Variants in CNTN5 observed in about 807,000 individuals in gnomAD.
CNTN5 encodes the protein contactin 5, also known as contactin-5.
CNTN5 carries 77 observed loss-of-function variants against 129.1 expected under a neutral mutation model. That is an observed-to-expected ratio of 0.60 (90% confidence interval 0.50 to 0.72). CNTN5 has a LOEUF of 0.72. CNTN5 is among the 30% of genes least tolerant of loss of function. CNTN5 has a pLI of 0.00. For synonymous variants in CNTN5, 509 were observed against 465.6 expected (o/e 1.09, Z -1.20); for missense variants, 1,478 against 1,328.8 (o/e 1.11, Z -1.75).
chr11:99,980,381 T>C (rs765785331), intron 8 of CNTN5, among the ~76,000 whole-genome samples: 5 of 152,224 alleles, frequency 3.3e-5, no homozygotes, highest in Non-Finnish European at 7.3e-5. Flanking sequence ...TGAGCTGAGA[T>C]AGGACAATTT....
At chr11:99,588,524 A>G (rs1949879277) in intron 3 of CNTN5, among the ~76,000 whole-genome samples, 1 of 152,140 alleles carries the variant, frequency 6.6e-6, no homozygotes, top group Admixed American at 6.5e-5. Context: ...CTTTGGGACA[A>G]GGTATAATAA....
chr11:100,017,916 A>G lies in CNTN5; in HGVS notation c.980+15780A>G, dbSNP rs138415376. ...CTATGTGTTACAAATAAAAGAAAAT[A>G]GAATAGACAAAGACTGAAAGAGATT... On this transcript the variant is annotated intron_variant, in intron 9 of 24. Transcript: ENST00000524871. Among the ~76,000 whole-genome samples, 918 of 152,164 alleles carry G rather than the reference A, an allele frequency of 6.0e-3. 13 individuals are homozygous for G. Among genetic ancestry groups the G allele is most frequent in the African/African-American group, 0.021 (866 of 41,562 alleles).
intron 9 of CNTN5, among the ~76,000 whole-genome samples, chr11:100,043,846 C>T (rs2137694265): frequency 6.6e-6 from 1 of 150,580 alleles, no homozygotes; most frequent in South Asian, 2.1e-4. Context: ...TGTTGTATTT[C>T]TAATTAGGTC....
chr11:100,031,753 T>C (rs995267142), intron 9 of CNTN5, among the ~76,000 whole-genome samples: 2 of 152,260 alleles, frequency 1.3e-5, no homozygotes, highest in Non-Finnish European at 2.9e-5. Flanking sequence ...TTGTAAATTC[T>C]TATCTCTGTA....
intron 1 of CNTN5, among the ~76,000 whole-genome samples, chr11:99,126,995 T>C (rs1469097222): frequency 6.6e-6 from 1 of 152,200 alleles, no homozygotes; most frequent in African/African-American, 2.4e-5. Context: ...CCATTTTCTT[T>C]ATGGCTACCA....
chr11:99,388,872 T>C (rs1177767967), intron 2 of CNTN5, among the ~76,000 whole-genome samples: 6 of 152,130 alleles, frequency 3.9e-5, no homozygotes, highest in African/African-American at 1.4e-4. Flanking sequence ...ACACAGTGCA[T>C]AATACCCATT....
At chr11:99,501,464 A>G (rs1946424638) in intron 2 of CNTN5, among the ~76,000 whole-genome samples, 1 of 152,230 alleles carries the variant, frequency 6.6e-6, no homozygotes, top group Non-Finnish European at 1.5e-5. Context: ...TCCTTTCCCA[A>G]CTAAGTAAAC....
intron 1 of CNTN5, among the ~76,000 whole-genome samples, chr11:99,226,102 GA>G (rs1476291060): frequency 6.6e-6 from 1 of 152,146 alleles, no homozygotes; most frequent in East Asian, 1.9e-4. Flanking sequence ...TATTTGACTG[GA>G]AAAATCATGG....
intron 13 of CNTN5, among the ~76,000 whole-genome samples, chr11:100,096,590 T>C (rs1373806940): frequency 6.6e-6 from 1 of 152,068 alleles, no homozygotes; most frequent in African/African-American, 2.4e-5. Flanking sequence ...GCCTAGGCCT[T>C]ATTGGCCACC....
intron 1 of CNTN5, among the ~76,000 whole-genome samples, chr11:99,109,340 G>A (rs994100523): frequency 2.0e-5 from 3 of 151,980 alleles, no homozygotes; most frequent in African/African-American, 7.3e-5. Flanking sequence ...AATTATATGT[G>A]TAGAACTCCT....
At chr11:99,273,618 C>T (rs1382152227) in intron 1 of CNTN5, among the ~76,000 whole-genome samples, 1 of 151,584 alleles carries the variant, frequency 6.6e-6, no homozygotes, top group East Asian at 1.9e-4. Context: ...TGTATCTCGG[C>T]TGGTTTGAAA....
intron 6 of CNTN5, among the ~76,000 whole-genome samples, chr11:99,890,822 A>C (rs1343969681): frequency 1.3e-5 from 2 of 152,132 alleles, no homozygotes; most frequent in Non-Finnish European, 2.9e-5. Context: ...ATAAAAATCA[A>C]CATCAACATG....
At chr11:99,394,967 G>C (rs574836304) in intron 2 of CNTN5, among the ~76,000 whole-genome samples, 2 of 151,948 alleles carry the variant, frequency 1.3e-5, no homozygotes, top group East Asian at 3.9e-4. Context: ...TTGATTCACT[G>C]TCTTTGCTAT....
At chr11:100,141,405 C>A (rs1946694149) in intron 13 of CNTN5, among the ~76,000 whole-genome samples, 1 of 152,104 alleles carries the variant, frequency 6.6e-6, no homozygotes, top group South Asian at 2.1e-4. Context: ...GACTTCCTAA[C>A]TTCTGCTTTG....
intron 3 of CNTN5, among the ~76,000 whole-genome samples, chr11:99,708,813 A>C (rs1283353249): frequency 2.0e-5 from 3 of 151,464 alleles, no homozygotes; most frequent in Non-Finnish European, 4.4e-5. Flanking sequence ...CATCCTTCTC[A>C]TTTTCTTTAT....
chr11:100,315,171 ATC>A (rs751021909), intron 21 of CNTN5, among the ~76,000 whole-genome samples: 114 of 152,288 alleles, frequency 7.5e-4, no homozygotes, highest in African/African-American at 2.3e-3. Context: ...AGCAGTAAGG[ATC>A]TCAGTCAGAG....
At chr11:99,538,623 T>C (rs547193815) in intron 2 of CNTN5, among the ~76,000 whole-genome samples, 3 of 152,266 alleles carry the variant, frequency 2.0e-5, no homozygotes, top group Admixed American at 6.5e-5. Flanking sequence ...TTTAAGAATG[T>C]ATTGGAGTAA....
chr11:99,135,737 A>G (rs76459668), intron 1 of CNTN5, among the ~76,000 whole-genome samples: 5,011 of 152,224 alleles, frequency 0.033, 119 homozygotes, highest in South Asian at 0.065. Context: ...CTTCTACTAA[A>G]TACTTACATG....
Position 99,940,261 on chromosome 11 carries a change from T to C in CNTN5, c.674-16545T>C, listed in dbSNP as rs948840981. 2.0e-5 allele frequency among the ~76,000 whole-genome samples: 3 copies of C among 152,122 alleles called. No individual in the cohort carries two copies. The East Asian group carries it at 5.8e-4, about 29-fold the overall frequency. On this transcript the variant is annotated intron_variant, in intron 7 of 24. Coordinates refer to ENST00000524871, the MANE Select transcript of CNTN5 (RefSeq NM_014361.4). ...ATGGAGGTTATGCATTAAGATGATA[T>C]TTTACATCAACATTAAATTTATGTA...
Sources: gnomAD v4.1 joint callset for allele counts (sites outside exome capture counted in the v4.1 genomes callset) on GRCh38, gnomAD v4.1.1 for gene constraint, MANE v1.5 for transcripts, NCBI Gene and HGNC (gene_info 2026-07-23, HGNC 2026-07-21) for gene names.